Variants in PCDHGA4 observed in about 807,000 individuals in gnomAD.
PCDHGA4 encodes the protein protocadherin gamma-A4.
PCDHGA4 carries 38 observed loss-of-function variants against 54.6 expected under a neutral mutation model. The observed-to-expected ratio is 0.70, with a 90% confidence interval of 0.54 to 0.91. The LOEUF (loss-of-function observed/expected upper bound fraction) is 0.91, where lower values mean the gene tolerates loss of function less well. Ranked by LOEUF, PCDHGA4 falls within the 40% of genes least tolerant of loss-of-function variation. PCDHGA4 has a pLI of 0.00. For synonymous variants in PCDHGA4, 511 were observed against 512.9 expected, an observed-to-expected ratio of 1.00 and a Z score of 0.05; for missense variants, 1,298 against 1,220.9, an observed-to-expected ratio of 1.06 and a Z score of -0.94.
At chr5:141,385,292 AG>A (rs1458906535) in intron 1 of PCDHGA4, 1 of 1,613,082 alleles carries the variant, frequency 6.2e-7, no homozygotes, top group African/African-American at 1.3e-5. Flanking sequence ...GTAGATTTTC[AG>A]GAATGTAAAG....
Position 141,370,390 on chromosome 5 carries a change from G to A in PCDHGA4, c.2514+12769G>A, listed in dbSNP as rs765930146. 5.2e-6 allele frequency: 8 copies of A among 1,543,776 alleles called. No homozygotes were observed. In the African/African-American group the frequency reaches 9.7e-5, roughly 19 times the overall value. The stretch of plus-strand genomic sequence containing the variant: ...ATTTAGAAAGGCAAAGGCGCAGAGA[G>A]CGGGATGGGAAATAGCTCCGGATGG... On this transcript the variant is annotated intron_variant, in intron 1 of 3. Transcript: ENST00000571252.
intron 1 of PCDHGA4, chr5:141,399,976 C>CTGCGCACAGGAGAGG: frequency 1.2e-6 from 2 of 1,612,242 alleles, no homozygotes; most frequent in Non-Finnish European, 1.7e-6. Flanking sequence ...CAGCCTGGGG[C>CTGCGCACAGGAGAGG]TGCGCACAGG....
intron 1 of PCDHGA4, among the ~76,000 whole-genome samples, chr5:141,464,251 C>T (rs1438610569): frequency 1.4e-5 from 2 of 141,396 alleles, no homozygotes; most frequent in Admixed American, 7.5e-5. Flanking sequence ...GGCTACAGAG[C>T]GAGACTCCGT....
chr5:141,480,719 A>G (rs1455113968), intron 1 of PCDHGA4, among the ~76,000 whole-genome samples: 1 of 152,194 alleles, frequency 6.6e-6, no homozygotes, highest in Non-Finnish European at 1.5e-5. Flanking sequence ...ATGAAAGCAC[A>G]GTCTCTGGGG....
intron 1 of PCDHGA4, chr5:141,422,082 G>A (rs2096622921): frequency 6.2e-7 from 1 of 1,612,284 alleles, no homozygotes; most frequent in East Asian, 2.2e-5. Context: ...TTCGGAACAT[G>A]GAAAGCAAGG....
intron 1 of PCDHGA4, chr5:141,413,905 C>G: frequency 6.2e-7 from 1 of 1,613,338 alleles, no homozygotes; most frequent in Non-Finnish European, 8.5e-7. Context: ...TGACAACGCG[C>G]CGGTCTTCAC....
chr5:141,506,165 C>T (rs1359711670), intron 3 of PCDHGA4, among the ~76,000 whole-genome samples: 8 of 152,038 alleles, frequency 5.3e-5, no homozygotes, highest in South Asian at 2.1e-4. Context: ...AAGAGCACAG[C>T]CTAAGCTGGG....
intron 1 of PCDHGA4, chr5:141,418,954 T>G (rs1490406390): frequency 6.2e-7 from 1 of 1,613,914 alleles, no homozygotes; most frequent in East Asian, 2.2e-5. Flanking sequence ...CAGGAGTGGT[T>G]GTTGCCCTCT....
chr5:141,458,421 G>T (rs1294502132), intron 1 of PCDHGA4, among the ~76,000 whole-genome samples: 1 of 152,114 alleles, frequency 6.6e-6, no homozygotes, highest in African/African-American at 2.4e-5. Context: ...GGGTTCCAAA[G>T]CTGAAAGAGG....
intron 1 of PCDHGA4, among the ~76,000 whole-genome samples, chr5:141,380,184 G>A (rs1776280762): frequency 6.6e-6 from 1 of 152,160 alleles, no homozygotes; most frequent in South Asian, 2.1e-4. Flanking sequence ...ACAGGCATGA[G>A]CCACTGAGCC....
intron 1 of PCDHGA4, among the ~76,000 whole-genome samples, chr5:141,434,384 G>T (rs980455943): frequency 2.6e-5 from 4 of 152,208 alleles, no homozygotes; most frequent in African/African-American, 4.8e-5. Context: ...CCCAAAACTG[G>T]CCATAAACAA....
rs371319055 is a variant in PCDHGA4 at position 141,399,494 on chromosome 5, G to C, written c.2514+41873G>C. 328 of 1,614,032 alleles carry C rather than the reference G, an allele frequency of 2.0e-4. 1 individual carries two copies. The highest frequency in any genetic ancestry group is 1.7e-3 in the South Asian group (152 of 91,086). ...TTCCACCAGGCGTCCTACTTAGTCA[G>C]TGTACCCGAAAACAACCCTCCTGGG... is the stretch of plus-strand genomic sequence containing the variant. On this transcript the variant is annotated intron_variant, in intron 1 of 3. Coordinates refer to ENST00000571252, the MANE Select transcript of PCDHGA4 (RefSeq NM_018917.4).
At chr5:141,437,013 A>G (rs570721163) in intron 1 of PCDHGA4, among the ~76,000 whole-genome samples, 146 of 152,354 alleles carry the variant, frequency 9.6e-4, no homozygotes, top group Non-Finnish European at 1.2e-3. Flanking sequence ...ATCTTAGATA[A>G]TTTCACCAGA....
At chr5:141,494,680 C>A in intron 1 of PCDHGA4, 127 bp from the exon 2 acceptor site, 1 of 1,560,094 alleles carries the variant, frequency 6.4e-7, no homozygotes, top group Non-Finnish European at 8.7e-7. Flanking sequence ...CCACCCCTGC[C>A]CCCTCTTAGT....
At position 141,375,343 on chromosome 5, in the gene PCDHGA4, C is replaced by T. The variant is rs114810218; in HGVS notation, c.2514+17722C>T. 5.4e-3 allele frequency: 8,654 copies of T among 1,613,832 alleles called. 30 individuals are homozygous for T. Among genetic ancestry groups the T allele is most frequent in the Non-Finnish European group, 6.4e-3 (7,546 of 1,179,894 alleles). The stretch of plus-strand genomic sequence containing the variant: ...GGGAAGAGGTATTCTTGTACAACAT[C>T]ACTGTGACAGCCACGGACAAAGGAA... On this transcript the variant is annotated intron_variant, in intron 1 of 3. Transcript: ENST00000571252.
chr5:141,376,549 T>C (rs757110514), intron 1 of PCDHGA4: 1 of 1,612,108 alleles, frequency 6.2e-7, no homozygotes, highest in East Asian at 2.2e-5. Context: ...AATCTGATCT[T>C]CCCGCAACCC....
intron 1 of PCDHGA4, among the ~76,000 whole-genome samples, chr5:141,358,807 T>C (rs1761028443): frequency 6.6e-6 from 1 of 152,244 alleles, no homozygotes; most frequent in African/African-American, 2.4e-5. Flanking sequence ...CTGATATGAT[T>C]TACGCTGCTT....
chr5:141,378,581 G>A (rs17524659), intron 1 of PCDHGA4: 5,512 of 152,208 alleles, frequency 0.036, 128 homozygotes, highest in South Asian at 0.08. Flanking sequence ...AAACATGCTC[G>A]GTAGTGTCTG....
chr5:141,410,154 A>C (rs1254712035), intron 1 of PCDHGA4: 1 of 1,612,962 alleles, frequency 6.2e-7, no homozygotes, highest in Non-Finnish European at 8.5e-7. Flanking sequence ...GACGGTGGAC[A>C]GCCGCCACTC....
Sources: gnomAD v4.1 joint callset for allele counts (sites outside exome capture counted in the v4.1 genomes callset) on GRCh38, gnomAD v4.1.1 for gene constraint, MANE v1.5 for transcripts, NCBI Gene and HGNC (gene_info 2026-07-23, HGNC 2026-07-21) for gene names.